Variants in CTNNA3 observed in about 807,000 individuals in gnomAD.
The protein encoded by CTNNA3 is catenin alpha 3.
CTNNA3 carries 76 observed loss-of-function variants against 95.7 expected under a neutral mutation model. The ratio of observed to expected loss-of-function variants is 0.79; its 90% CI spans 0.66 to 0.96. The LOEUF (loss-of-function observed/expected upper bound fraction) is 0.96, where lower values mean the gene tolerates loss of function less well. CTNNA3 is among the 40% of genes least tolerant of loss of function. CTNNA3 has a pLI of 0.00. For missense variants in CTNNA3, 1,191 were observed against 1,089.8 expected, an observed-to-expected ratio of 1.09 and a Z score of -1.31; for synonymous variants, 431 against 374.4, an observed-to-expected ratio of 1.15 and a Z score of -1.74.
At chr10:66,735,521 ATTC>A (rs1273230452) in intron 9 of CTNNA3, among the ~76,000 whole-genome samples, 3 of 151,928 alleles carry the variant, frequency 2.0e-5, no homozygotes, top group Non-Finnish European at 4.4e-5. Context: ...TTAAAAAGTT[ATTC>A]TTAATATATT....
intron 13 of CTNNA3, among the ~76,000 whole-genome samples, chr10:66,182,546 C>T (rs994265819): frequency 4.6e-5 from 7 of 152,174 alleles, no homozygotes; most frequent in African/African-American, 7.2e-5. Context: ...TGAGCCACCG[C>T]GCCCGGCCGG....
At position 66,916,841 on chromosome 10, in the gene CTNNA3, G is replaced by A. The variant is rs188939442; in HGVS notation, c.1048-141317C>T. 1.1e-4 allele frequency among the ~76,000 whole-genome samples: 16 copies of A among 152,276 alleles called. No individual in the cohort carries two copies. The East Asian group carries it at 2.9e-3, about 28-fold the overall frequency. On this transcript the variant is annotated intron_variant, in intron 7 of 17. Transcript: ENST00000433211. ...CACACCCTGGTGTCAGAAGTGTGGAGTATATAAAAAAACAATTTTCTTTTC... is the reference window on the plus strand; with the variant it reads ...CACACCCTGGTGTCAGAAGTGTGGAATATATAAAAAAACAATTTTCTTTTC...
At chr10:67,728,067 T>TTATATTTACATGTATATATGTATGTA (rs1564841906) in intron 1 of CTNNA3, among the ~76,000 whole-genome samples, 9 of 142,490 alleles carry the variant, frequency 6.3e-5, no homozygotes, top group African/African-American at 1.5e-4. Flanking sequence ...TATATGTATA[T>TTATATTTACATGTATATATGTATGTA]TACATATTAT....
intron 11 of CTNNA3, among the ~76,000 whole-genome samples, chr10:66,467,818 A>G (rs1443230466): frequency 1.3e-5 from 2 of 152,076 alleles, no homozygotes; most frequent in Non-Finnish European, 2.9e-5. Context: ...AGTTATTTGA[A>G]CCTGGAAGCA....
chr10:67,624,017 T>C (rs1480700652), intron 2 of CTNNA3, among the ~76,000 whole-genome samples: 1 of 152,020 alleles, frequency 6.6e-6, no homozygotes, highest in Non-Finnish European at 1.5e-5. Context: ...GAGACAGGTT[T>C]CTCCATGTTG....
chr10:66,921,171 T>C (rs936223851), intron 7 of CTNNA3, among the ~76,000 whole-genome samples: 1 of 152,204 alleles, frequency 6.6e-6, no homozygotes. Flanking sequence ...CCTTCTCTTG[T>C]AGCAGAGAGA....
intron 5 of CTNNA3, among the ~76,000 whole-genome samples, chr10:67,420,820 A>G (rs1426848277): frequency 6.6e-6 from 1 of 152,128 alleles, no homozygotes; most frequent in Non-Finnish European, 1.5e-5. Flanking sequence ...ATTGTAAAAT[A>G]GTTGTTTCTT....
chr10:67,414,760 A>T lies in CTNNA3; in HGVS notation c.579+107082T>A, dbSNP rs185765346. Among the ~76,000 whole-genome samples, 12 of 152,346 alleles carry T rather than the reference A, an allele frequency of 7.9e-5. 1 individual carries two copies. Among genetic ancestry groups the T allele is most frequent in the Admixed American group, 6.5e-4 (10 of 15,296 alleles). Reference sequence around the variant, plus strand: ...CAATCAAGTAGGCTTTATTCTTGGGATTCAATACTGAAATCACATTTGTTG... The same window carrying T: ...CAATCAAGTAGGCTTTATTCTTGGGTTTCAATACTGAAATCACATTTGTTG... On this transcript the variant is annotated intron_variant, in intron 5 of 17. Transcript: ENST00000433211.
intron 5 of CTNNA3, among the ~76,000 whole-genome samples, chr10:67,351,532 A>C (rs1223977716): frequency 6.6e-6 from 1 of 152,060 alleles, no homozygotes; most frequent in Non-Finnish European, 1.5e-5. Flanking sequence ...TTTTTTAAAA[A>C]TTATATACAA....
intron 13 of CTNNA3, among the ~76,000 whole-genome samples, chr10:66,114,373 T>C (rs897828015): frequency 6.6e-6 from 1 of 150,674 alleles, no homozygotes; most frequent in Admixed American, 6.6e-5. Flanking sequence ...TGTGTGTGTG[T>C]GTATATATGT....
At chr10:66,249,480 C>A (rs901514213) in intron 13 of CTNNA3, among the ~76,000 whole-genome samples, 26 of 152,228 alleles carry the variant, frequency 1.7e-4, no homozygotes, top group African/African-American at 6.3e-4. Flanking sequence ...ATAAACATTT[C>A]TCAAAAGAAG....
chr10:67,132,745 G>A (rs1004640469), intron 7 of CTNNA3, among the ~76,000 whole-genome samples: 3 of 151,958 alleles, frequency 2.0e-5, no homozygotes, highest in Non-Finnish European at 4.4e-5. Flanking sequence ...AGCCATAAAG[G>A]AAAATCATGT....
At chr10:66,959,466 C>T (rs1849001770) in intron 7 of CTNNA3, among the ~76,000 whole-genome samples, 1 of 152,038 alleles carries the variant, frequency 6.6e-6, no homozygotes, top group African/African-American at 2.4e-5. Context: ...GCAATTGGGC[C>T]AAGAGAACAA....
chr10:66,447,190 G>T (rs984349116), intron 11 of CTNNA3, among the ~76,000 whole-genome samples: 9 of 152,088 alleles, frequency 5.9e-5, no homozygotes, highest in Non-Finnish European at 1.3e-4. Flanking sequence ...ACAAACAAAT[G>T]GAAGAATATT....
rs10997471 is a variant in CTNNA3, at chr10:66,990,957, C to T, written c.1047+189360G>A. 4.7e-3 allele frequency among the ~76,000 whole-genome samples: 720 copies of T among 152,232 alleles called. 2 individuals carry two copies. The highest frequency in any genetic ancestry group is 7.6e-3 in the Non-Finnish European group (519 of 68,000). The stretch of plus-strand genomic sequence containing the variant: ...CATCATTATTCCTATGAACATTTAA[C>T]AGTTTTTGAGTAATCATGATGGCAT... On this transcript the variant is annotated intron_variant, in intron 7 of 17. Transcript: ENST00000433211.
chr10:67,467,789 C>T (rs1456785090), intron 5 of CTNNA3, among the ~76,000 whole-genome samples: 1 of 151,998 alleles, frequency 6.6e-6, no homozygotes, highest in East Asian at 1.9e-4. Context: ...TGGCTCACTG[C>T]AGCCTCGACC....
rs1160347177 is a variant in CTNNA3, at chr10:66,882,942, T to A, written c.1048-107418A>T. ...AACATATTAGGAATACCTAGGAGGT[T>A]TTTAAAAACCCCAGATGTGTGGGCA... On this transcript the variant is annotated intron_variant, in intron 7 of 17. Transcript: ENST00000433211. 2.0e-5 allele frequency among the ~76,000 whole-genome samples: 3 copies of A among 152,028 alleles called. No individual in the cohort carries two copies. The East Asian group carries it at 5.8e-4, about 29-fold the overall frequency.
At chr10:66,093,133 G>A (rs192320845) in intron 14 of CTNNA3, among the ~76,000 whole-genome samples, 12 of 151,888 alleles carry the variant, frequency 7.9e-5, no homozygotes, top group Non-Finnish European at 1.2e-4. Context: ...TTATTAACTC[G>A]TATATAAGAA....
intron 15 of CTNNA3, among the ~76,000 whole-genome samples, chr10:66,035,177 A>C (rs555931655): frequency 6.6e-6 from 1 of 152,318 alleles, no homozygotes; most frequent in Non-Finnish European, 1.5e-5. Context: ...TATATTTCAA[A>C]ATAAGCAGGG....
Sources: allele counts gnomAD v4.1 joint callset (sites outside exome capture counted in the v4.1 genomes callset), GRCh38; gene constraint gnomAD v4.1.1; transcripts MANE v1.5; gene names NCBI Gene and HGNC (gene_info 2026-07-23, HGNC 2026-07-21).